The following GSE1 variants were observed in gnomAD, a reference collection of about 807,000 sequenced individuals.
GSE1 encodes the protein genetic suppressor element 1.
In GSE1, 32 loss-of-function variants were observed where a neutral mutation model predicts 112.6. That is an observed-to-expected ratio of 0.28 (90% confidence interval 0.21 to 0.38). GSE1 has a LOEUF of 0.38. GSE1 is among the 10% of genes least tolerant of loss of function. The pLI is 1.00. For missense variants in GSE1, 2,348 were observed against 1,699.2 expected (o/e 1.38, Z -6.71); for synonymous variants, 1,115 against 735.6 (o/e 1.52, Z -8.35).
chr16:85,276,132 T>G (rs1387566151), intron 1 of GSE1, among the ~76,000 whole-genome samples: 1 of 152,234 alleles, frequency 6.6e-6, no homozygotes, highest in Non-Finnish European at 1.5e-5. Flanking sequence ...CCAGAGAGGT[T>G]GAGTGACTTG....
intron 1 of GSE1, among the ~76,000 whole-genome samples, chr16:85,355,110 C>T (rs1207675721): frequency 1.3e-5 from 2 of 152,142 alleles, no homozygotes; most frequent in Non-Finnish European, 2.9e-5. Flanking sequence ...CGGAAACAAA[C>T]GGTAAATTTA....
At chr16:85,503,685 A>G (rs1362890609) in intron 2 of GSE1, among the ~76,000 whole-genome samples, 1 of 152,160 alleles carries the variant, frequency 6.6e-6, no homozygotes, top group Non-Finnish European at 1.5e-5. Context: ...TCTGGACAGA[A>G]GTGTCACCCG....
At chr16:85,623,242 T>C (rs917405530) in intron 1 of GSE1, among the ~76,000 whole-genome samples, 98 of 143,764 alleles carry the variant, frequency 6.8e-4, no homozygotes, top group Admixed American at 1.4e-3. Flanking sequence ...TGAGACAGGG[T>C]CTCGCTCTGT....
intron 2 of GSE1, among the ~76,000 whole-genome samples, chr16:85,429,438 G>A (rs7197463): frequency 6.6e-6 from 1 of 152,082 alleles, no homozygotes; most frequent in Admixed American, 6.5e-5. Context: ...AAGGACGGGG[G>A]CTCTGGTGGC....
chr16:85,552,469 C>G (rs550199282), upstream of GSE1, among the ~76,000 whole-genome samples: 10 of 127,426 alleles, frequency 7.8e-5, 2 homozygotes, highest in Middle Eastern at 8.4e-3. Flanking sequence ...GTAGCTGGGA[C>G]TACAGGCGCC....
chr16:85,328,368 C>T (rs550626070), intron 1 of GSE1, among the ~76,000 whole-genome samples: 109 of 152,320 alleles, frequency 7.2e-4, no homozygotes, highest in African/African-American at 2.4e-3. Flanking sequence ...TCCTCAGAGG[C>T]GTCGGGGCTG....
intron 2 of GSE1, among the ~76,000 whole-genome samples, chr16:85,488,799 C>T (rs558795135): frequency 1.4e-4 from 21 of 152,224 alleles, no homozygotes; most frequent in Non-Finnish European, 2.9e-4. Context: ...AGGCAAGGGC[C>T]TCTTCGTCTG....
At chr16:85,520,998 G>A (rs546909018) in intron 2 of GSE1, among the ~76,000 whole-genome samples, 10 of 152,264 alleles carry the variant, frequency 6.6e-5, no homozygotes, top group East Asian at 5.8e-4. Flanking sequence ...GCTTGGGGCC[G>A]GAAAGTCTCA....
upstream of GSE1, chr16:85,555,219 T>A: frequency 1.0e-6 from 1 of 985,354 alleles, no homozygotes; most frequent in Non-Finnish European, 1.2e-6. Context: ...CGATAATGAT[T>A]CTTGCATGAA....
chr16:85,537,640 C>T (rs958960459), intron 2 of GSE1, among the ~76,000 whole-genome samples: 2 of 152,222 alleles, frequency 1.3e-5, no homozygotes, highest in African/African-American at 2.4e-5. Context: ...AGCCCCCTTC[C>T]GAGGCGCCTG....
intron 14 of GSE1, 59 bp from the exon 15 acceptor site, chr16:85,670,936 A>T: frequency 9.4e-7 from 1 of 1,060,400 alleles, no homozygotes; most frequent in Middle Eastern, 2.4e-4. Context: ...AGGAGAGCAC[A>T]AAGCGGGCCT....
At chr16:85,454,739 C>G (rs760668788) in intron 2 of GSE1, among the ~76,000 whole-genome samples, 12 of 152,246 alleles carry the variant, frequency 7.9e-5, no homozygotes, top group Non-Finnish European at 1.5e-4. Flanking sequence ...CACTCCTTGC[C>G]GTGTAGACGC....
At chr16:85,617,786 G>C (rs1415286488) in intron 1 of GSE1, among the ~76,000 whole-genome samples, 1 of 152,102 alleles carries the variant, frequency 6.6e-6, no homozygotes, top group Non-Finnish European at 1.5e-5. Context: ...TGGGAAGATG[G>C]GCTGATGCTG....
At chr16:85,377,820 G>T (rs1297787413) in intron 2 of GSE1, among the ~76,000 whole-genome samples, 1 of 152,226 alleles carries the variant, frequency 6.6e-6, no homozygotes, top group Non-Finnish European at 1.5e-5. Flanking sequence ...AAATGGCCCG[G>T]CATCCACATG....
Position 85,276,115 on chromosome 16 carries a change from C to G in GSE1, c.2284-81348C>G, listed in dbSNP as rs368601877. Among the ~76,000 whole-genome samples, 39 of 152,382 alleles carry G rather than the reference C, an allele frequency of 2.6e-4. No individual in the cohort carries two copies. The East Asian group carries it at 7.1e-3, about 28-fold the overall frequency. On this transcript the variant is annotated intron_variant, in intron 1 of 2. Transcript: ENST00000637419. ...CCTCCCCACTTTACAGATGGGGAAA[C>G]TGAAGCCCAGAGAGGTTGAGTGACT...
intron 1 of GSE1, among the ~76,000 whole-genome samples, chr16:85,218,684 G>C (rs2075342727): frequency 6.6e-6 from 1 of 152,134 alleles, no homozygotes; most frequent in East Asian, 1.9e-4. Flanking sequence ...GACGGGCCCA[G>C]CTCTGCGCCT....
intron 1 of GSE1, among the ~76,000 whole-genome samples, chr16:85,226,093 G>C (rs1335237071): frequency 1.3e-5 from 2 of 152,130 alleles, no homozygotes; most frequent in Admixed American, 6.5e-5. Flanking sequence ...TGATAGCCTG[G>C]TCTCAGAAGC....
intron 1 of GSE1, among the ~76,000 whole-genome samples, chr16:85,614,655 G>A (rs1025699763): frequency 6.6e-6 from 1 of 152,232 alleles, no homozygotes; most frequent in African/African-American, 2.4e-5. Flanking sequence ...GGGAGCACCT[G>A]CCGGGTTCCC....
intron 1 of GSE1, among the ~76,000 whole-genome samples, chr16:85,203,227 C>T (rs1440801653): frequency 8.5e-5 from 13 of 152,130 alleles, no homozygotes; most frequent in African/African-American, 2.4e-4. Context: ...CATGCGTTTG[C>T]GATGGCCACC....
Sources: gnomAD v4.1 joint callset for allele counts (sites outside exome capture counted in the v4.1 genomes callset) on GRCh38, gnomAD v4.1.1 for gene constraint, MANE v1.5 for transcripts, NCBI Gene and HGNC (gene_info 2026-07-23, HGNC 2026-07-21) for gene names.